FAM72A: variants seen among roughly 807,000 people sequenced by gnomAD.
FAM72A encodes protein FAM72A.
Under a neutral mutation model 11.3 loss-of-function variants are expected in FAM72A, and 1 was observed. That is an observed-to-expected ratio of 0.09 (90% CI 0.03 to 0.42). The LOEUF is 0.42. FAM72A is among the 10% of genes least tolerant of loss of function. The probability of loss-of-function intolerance (pLI) is 0.98; values close to 1 mark genes in which losing one functional copy is unlikely to be tolerated. For synonymous variants in FAM72A, 5 were observed against 46.9 expected, an observed-to-expected ratio of 0.11 and a Z score of 3.65; for missense variants, 15 against 135.5, an observed-to-expected ratio of 0.11 and a Z score of 4.41.
At chr1:206,203,018 A>G (rs1665464782), upstream of FAM72A, 1 of 153,132 alleles carries the variant, frequency 6.5e-6, no homozygotes. Context: ...CGCCCCAGTA[A>G]CGGTGCTGAG....
At chr1:206,198,082 G>C (rs1665162530) in intron 2 of FAM72A, among the ~76,000 whole-genome samples, 1 of 151,020 alleles carries the variant, frequency 6.6e-6, no homozygotes, top group African/African-American at 2.5e-5. Context: ...TAGCTGGGTG[G>C]GCTGGGTGCG....
At chr1:206,198,296 G>A (rs567285444) in intron 2 of FAM72A, among the ~76,000 whole-genome samples, 31 of 150,922 alleles carry the variant, frequency 2.1e-4, no homozygotes, top group Middle Eastern at 3.4e-3. Context: ...CCTGGGAGGC[G>A]GAGGTTGCAG....
chr1:206,188,959 T>C (rs1664663619), intron 3 of FAM72A, among the ~76,000 whole-genome samples: 1 of 152,160 alleles, frequency 6.6e-6, no homozygotes, highest in South Asian at 2.1e-4. Context: ...AATCCAGTGT[T>C]TACCACTGCT....
intron 3 of FAM72A, among the ~76,000 whole-genome samples, chr1:206,190,589 C>T (rs1196324174): frequency 7.6e-6 from 1 of 130,862 alleles, no homozygotes; most frequent in African/African-American, 3.3e-5. Flanking sequence ...TACTTAAAGT[C>T]AGCTGGCGAG....
upstream of FAM72A, chr1:206,203,573 G>A (rs1665522527): frequency 1.7e-6 from 1 of 577,430 alleles, no homozygotes. Context: ...GTAGAAACGG[G>A]TGGCGGGGAA....
At chr1:206,193,204 C>T (rs1274993167) in intron 3 of FAM72A, among the ~76,000 whole-genome samples, 10 of 151,390 alleles carry the variant, frequency 6.6e-5, no homozygotes, top group Admixed American at 2.6e-4. Flanking sequence ...TGAGCCACCG[C>T]GCCCGGCCTC....
At chr1:206,193,159 CGCCTCG>C (rs1664882214) in intron 3 of FAM72A, among the ~76,000 whole-genome samples, 1 of 151,670 alleles carries the variant, frequency 6.6e-6, no homozygotes, top group Non-Finnish European at 1.5e-5. Context: ...GTGATCTGCC[CGCCTCG>C]GCCTCCCAAA....
At chr1:206,204,907 G>GCCT (rs1407331430), upstream of FAM72A, 1 of 95,136 alleles carries the variant, frequency 1.1e-5, no homozygotes, top group South Asian at 3.9e-4. Flanking sequence ...CTGCAGATTT[G>GCCT]CCCCCCCCCC....
intron 3 of FAM72A, among the ~76,000 whole-genome samples, chr1:206,187,691 A>G (rs1370030518): frequency 2.0e-5 from 3 of 152,068 alleles, no homozygotes; most frequent in Non-Finnish European, 2.9e-5. Flanking sequence ...CAGCCTCCCA[A>G]GTCACTGGGA....
chr1:206,204,913 C>CCCG (rs1665760986), upstream of FAM72A: 1 of 137,022 alleles, frequency 7.3e-6, no homozygotes, highest in African/African-American at 3.2e-5. Context: ...ATTTGCCCCC[C>CCCG]CCCCCATCAA....
At position 206,202,175 on chromosome 1, in the gene FAM72A, CT is replaced by C; in HGVS notation, c.-151del. On this transcript the variant is annotated 5_prime_UTR_variant, in exon 1 of 4. Transcript: ENST00000367128. ...TTGGGAAGGAAATTAGTTTTTTTTTCTGTTTTCCCGGTGGCGGAGTAGAAGA... is the reference window on the plus strand; with the variant it reads ...TTGGGAAGGAAATTAGTTTTTTTTTCGTTTTCCCGGTGGCGGAGTAGAAGA... 1 of 712,880 alleles carries C rather than the reference CT, an allele frequency of 1.4e-6. No homozygotes were observed. The highest frequency in any genetic ancestry group is 4.2e-5 in the African/African-American group (1 of 23,648). 44.2% of individuals were successfully genotyped at this position (712,880 alleles called of 1,614,324 possible).
At chr1:206,203,428 A>C (rs1470427813), upstream of FAM72A, 1 of 398,642 alleles carries the variant, frequency 2.5e-6, no homozygotes, top group Non-Finnish European at 4.4e-6. Flanking sequence ...TCTCGGGATC[A>C]GCTCTTCCTA....
At chr1:206,197,838 C>T (rs1665147016) in intron 2 of FAM72A, among the ~76,000 whole-genome samples, 1 of 151,128 alleles carries the variant, frequency 6.6e-6, no homozygotes, top group Non-Finnish European at 1.5e-5. Context: ...CACTTGAACC[C>T]AGAAGACGGA....
At chr1:206,191,544 A>G (rs1326031577) in intron 3 of FAM72A, among the ~76,000 whole-genome samples, 3 of 150,946 alleles carry the variant, frequency 2.0e-5, no homozygotes, top group African/African-American at 7.3e-5. Context: ...CCTGGGAGGC[A>G]GAGGCTGCCA....
At chr1:206,193,354 CA>C (rs1664898742) in intron 3 of FAM72A, among the ~76,000 whole-genome samples, 1 of 150,756 alleles carries the variant, frequency 6.6e-6, no homozygotes, top group Non-Finnish European at 1.5e-5. Context: ...CCACCACGCC[CA>C]GCTAATTTTT....
chr1:206,193,157 C>G (rs1553297831), intron 3 of FAM72A, among the ~76,000 whole-genome samples: 1 of 151,602 alleles, frequency 6.6e-6, no homozygotes, highest in Admixed American at 6.6e-5. Flanking sequence ...AGGTGATCTG[C>G]CCGCCTCGGC....
At chr1:206,193,240 A>G (rs1664891265) in intron 3 of FAM72A, among the ~76,000 whole-genome samples, 1 of 139,076 alleles carries the variant, frequency 7.2e-6, no homozygotes, top group African/African-American at 2.7e-5. Context: ...TTTCAGATGG[A>G]GTTTCACTCT....
intron 3 of FAM72A, among the ~76,000 whole-genome samples, chr1:206,192,897 T>TTTTTCTTTTC (rs781873689): frequency 6.6e-6 from 1 of 151,224 alleles, no homozygotes; most frequent in African/African-American, 2.4e-5. Context: ...AAACAACAGA[T>TTTTTCTTTTC]TTTTCTTTTC....
At chr1:206,198,007 G>A (rs1665158706) in intron 2 of FAM72A, among the ~76,000 whole-genome samples, 1 of 149,126 alleles carries the variant, frequency 6.7e-6, no homozygotes, top group Admixed American at 6.7e-5. Context: ...ATCACTTGAG[G>A]TCAGGAGTTT....
Sources: allele counts gnomAD v4.1 joint callset (sites outside exome capture counted in the v4.1 genomes callset), GRCh38; gene constraint gnomAD v4.1.1; transcripts MANE v1.5; gene names NCBI Gene and HGNC (gene_info 2026-07-23, HGNC 2026-07-21).